Variants in DNAH6 observed in about 807,000 individuals in gnomAD.
The protein encoded by DNAH6 is axonemal beta dynein heavy chain 6.
In DNAH6, 340 loss-of-function variants were observed where a neutral mutation model predicts 491.4. That is an observed-to-expected ratio of 0.69 (90% CI 0.63 to 0.76). The LOEUF (loss-of-function observed/expected upper bound fraction) is 0.76, where lower values mean the gene tolerates loss of function less well. Ranked by LOEUF, DNAH6 falls within the 30% of genes least tolerant of loss-of-function variation. The probability of loss-of-function intolerance (pLI) is 0.00; values close to 1 mark genes in which losing one functional copy is unlikely to be tolerated. For synonymous variants in DNAH6, 1,603 were observed against 1,686.1 expected, an observed-to-expected ratio of 0.95 and a Z score of 1.21; for missense variants, 4,443 against 4,972.2, an observed-to-expected ratio of 0.89 and a Z score of 3.20.
the DNAH6 span, among the ~76,000 whole-genome samples, chr2:84,481,483 C>T: frequency 6.6e-6 from 1 of 152,210 alleles, no homozygotes; most frequent in Non-Finnish European, 1.5e-5. Context: ...AAAGAATACA[C>T]ATGGACTTCA....
At position 84,525,687 on chromosome 2, in the gene DNAH6, C is replaced by T; in HGVS notation, c.348C>T (p.Ala116=). ...TAAGCATAGCAAAAAAAAGTTTTGC[C>T]ACATCATCTACTCAGTTTCTTGAGC... ...RPVSIAKKSF[A]TSSTQFLEHQ... Residue 116 remains alanine, a synonymous_variant, in exon 3 of 77, where the codon GCC becomes GCT. Coordinates refer to ENST00000389394, the MANE Select transcript of DNAH6 (RefSeq NM_001370.2). 6.5e-7 allele frequency: 1 copy of T among 1,549,992 alleles called. No homozygotes were observed. Among genetic ancestry groups the T allele is most frequent in the Non-Finnish European group, 8.7e-7 (1 of 1,146,134 alleles).
chr2:84,751,681 CT>C lies in DNAH6; in HGVS notation c.10512+6434del, dbSNP rs1191129810. ...TACCGTAATTCAGAGATGAATAAAG[CT>C]TGCTTGATAGAGAATAATTCATCAC... On this transcript the variant is annotated intron_variant, in intron 63 of 76. Coordinates refer to ENST00000389394, the MANE Select transcript of DNAH6 (RefSeq NM_001370.2). Among the ~76,000 whole-genome samples the C allele has an allele frequency of 9.2e-5, 14 of 152,318 alleles. No individual in the cohort carries two copies. The South Asian group carries it at 2.9e-3, about 32-fold the overall frequency.
chr2:84,676,257 C>T (rs372950291), intron 40 of DNAH6, among the ~76,000 whole-genome samples: 96 of 152,304 alleles, frequency 6.3e-4, no homozygotes, highest in African/African-American at 2.1e-3. Context: ...TTTTCAGCTC[C>T]CATGCTGTAA....
At chr2:84,482,002 T>C in the DNAH6 span, among the ~76,000 whole-genome samples, 1 of 152,208 alleles carries the variant, frequency 6.6e-6, no homozygotes, top group Non-Finnish European at 1.5e-5. Context: ...CCCGTGATGC[T>C]AGATGGGTCC....
chr2:84,659,040 G>T lies in DNAH6; in HGVS notation c.5955G>T (p.Leu1985Phe). ...GVNLAMEQTK[L>F]NTILCQTFVF... ...TATTCTTTCAGGAACAAACAAAATT[G>T]AACACTATACTATGTCAGACTTTTG... The change falls in exon 37 of 77, where the codon TTG (leucine) becomes TTT (phenylalanine). Residue 1985 changes from leucine (L) to phenylalanine (F), a missense_variant. By Grantham distance (22) the Leu-to-Phe change is conservative. Around this residue, in one of 3 missense-constraint regions of DNAH6, gnomAD observed 2,977 missense variants for 3,296.6 expected, o/e 0.90. Transcript: ENST00000389394. 1.4e-6 allele frequency: 2 copies of T among 1,439,930 alleles called. No individual in the cohort carries two copies. The highest frequency in any genetic ancestry group is 1.9e-6 in the Non-Finnish European group (2 of 1,064,276). 89.2% of individuals were successfully genotyped at this position (1,439,930 alleles called of 1,614,324 possible).
chr2:84,769,046 C>T (rs759840457), intron 64 of DNAH6, among the ~76,000 whole-genome samples: 1 of 152,210 alleles, frequency 6.6e-6, no homozygotes, highest in Non-Finnish European at 1.5e-5. Context: ...TTCATGTAAA[C>T]TCATACTTGG....
intron 61 of DNAH6, among the ~76,000 whole-genome samples, chr2:84,730,069 G>A (rs904211760): frequency 6.6e-6 from 1 of 152,174 alleles, no homozygotes; most frequent in African/African-American, 2.4e-5. Flanking sequence ...TGTCCAGGAT[G>A]GGAGGAGAGA....
intron 42 of DNAH6, among the ~76,000 whole-genome samples, chr2:84,683,422 T>A (rs947418798): frequency 5.1e-4 from 74 of 144,518 alleles, no homozygotes; most frequent in African/African-American, 1.9e-3. Context: ...ATTTTTTTTT[T>A]TTTTTTTTTT....
chr2:84,777,732 G>A, intron 64 of DNAH6: 1 of 842,872 alleles, frequency 1.2e-6, no homozygotes, highest in Non-Finnish European at 2.1e-6. Context: ...TCCCCCATCA[G>A]GTAACGGAAT....
chr2:84,731,136 G>C (rs1699082910), intron 61 of DNAH6, among the ~76,000 whole-genome samples: 1 of 152,156 alleles, frequency 6.6e-6, no homozygotes. Context: ...TGTGGTCTTT[G>C]AACCTAGACC....
intron 63 of DNAH6, among the ~76,000 whole-genome samples, chr2:84,754,340 T>C (rs1164500233): frequency 6.6e-6 from 1 of 152,040 alleles, no homozygotes; most frequent in East Asian, 1.9e-4. Context: ...CCACCACACC[T>C]GGCTAATCTT....
the DNAH6 span, among the ~76,000 whole-genome samples, chr2:84,493,480 C>A: frequency 6.6e-6 from 1 of 152,066 alleles, no homozygotes; most frequent in Non-Finnish European, 1.5e-5. Flanking sequence ...AAATAAATAT[C>A]TTTGTGCCTC....
chr2:84,652,230 C>T (rs1285404724), intron 33 of DNAH6, among the ~76,000 whole-genome samples: 1 of 152,062 alleles, frequency 6.6e-6, no homozygotes, highest in Non-Finnish European at 1.5e-5. Flanking sequence ...CCAAAGATGA[C>T]TTACCCTTTT....
chr2:84,516,085 A>G (rs576772282), upstream of DNAH6, among the ~76,000 whole-genome samples: 5 of 152,310 alleles, frequency 3.3e-5, no homozygotes, highest in East Asian at 9.6e-4. Flanking sequence ...TACACAACCC[A>G]CATTCCTCTC....
chr2:84,630,604 A>C (rs549891190), intron 29 of DNAH6, among the ~76,000 whole-genome samples: 60 of 152,340 alleles, frequency 3.9e-4, no homozygotes, highest in African/African-American at 1.4e-3. Context: ...AACTGCTATA[A>C]ATTTAAAGAG....
At chr2:84,799,778 C>T (rs1034834487) in intron 70 of DNAH6, among the ~76,000 whole-genome samples, 3 of 152,168 alleles carry the variant, frequency 2.0e-5, no homozygotes, top group African/African-American at 7.2e-5. Context: ...GGTGTGATGC[C>T]AGCCACTAAA....
the DNAH6 span, among the ~76,000 whole-genome samples, chr2:84,487,416 T>C: frequency 6.6e-6 from 1 of 151,830 alleles, no homozygotes; most frequent in African/African-American, 2.4e-5. Context: ...CTGTGAAGAG[T>C]TGAGAAAACC....
intron 65 of DNAH6, among the ~76,000 whole-genome samples, chr2:84,783,005 T>G (rs1676835961): frequency 6.6e-6 from 1 of 152,150 alleles, no homozygotes; most frequent in Non-Finnish European, 1.5e-5. Flanking sequence ...CTTAAGTGGA[T>G]AGAAAAAATC....
At chr2:84,722,397 A>G (rs1382898882) in intron 59 of DNAH6, among the ~76,000 whole-genome samples, 1 of 152,134 alleles carries the variant, frequency 6.6e-6, no homozygotes, top group Non-Finnish European at 1.5e-5. Context: ...AGCTACTTGT[A>G]TTGCCTGCTG....
Sources: allele counts gnomAD v4.1 joint callset (sites outside exome capture counted in the v4.1 genomes callset), GRCh38; gene constraint gnomAD v4.1.1; regional missense constraint gnomAD v4.1.1; transcripts MANE v1.5; gene names NCBI Gene and HGNC (gene_info 2026-07-23, HGNC 2026-07-21).